Variants in MACROD1 observed in about 807,000 individuals in gnomAD.
MACROD1 encodes ADP-ribose glycohydrolase MACROD1.
A neutral mutation model predicts 41.4 loss-of-function variants in MACROD1; 31 were observed. The observed-to-expected ratio is 0.75, with a 90% confidence interval of 0.56 to 1.01. MACROD1 has a LOEUF of 1.01. Among genes scored for constraint, MACROD1 ranks in the 50% least tolerant of loss-of-function variants. The probability of loss-of-function intolerance (pLI) is 0.00; values close to 1 mark genes in which losing one functional copy is unlikely to be tolerated. For missense variants in MACROD1, 473 were observed against 460.0 expected (o/e 1.03, Z -0.26); for synonymous variants, 252 against 203.4 (o/e 1.24, Z -2.03).
intron 3 of MACROD1, among the ~76,000 whole-genome samples, chr11:64,050,146 C>G (rs543546427): frequency 1.3e-5 from 2 of 152,116 alleles, no homozygotes; most frequent in Non-Finnish European, 2.9e-5. Context: ...GTGCAGGCTC[C>G]GTCTTCACCC....
intron 3 of MACROD1, among the ~76,000 whole-genome samples, chr11:64,121,032 C>T (rs1438836950): frequency 6.6e-6 from 1 of 152,158 alleles, no homozygotes; most frequent in Non-Finnish European, 1.5e-5. Flanking sequence ...TGGCCCGGAC[C>T]GTGAGAGCTG....
intron 3 of MACROD1, among the ~76,000 whole-genome samples, chr11:64,048,214 C>G (rs1025964234): frequency 2.0e-5 from 3 of 152,214 alleles, no homozygotes; most frequent in African/African-American, 7.2e-5. Flanking sequence ...CGGGGGCCTT[C>G]GAGGAGAGCT....
At chr11:64,028,270 C>A (rs1248380460) in intron 3 of MACROD1, among the ~76,000 whole-genome samples, 20 of 152,208 alleles carry the variant, frequency 1.3e-4, no homozygotes, top group Admixed American at 1.3e-3. Context: ...CCGAGGGGGC[C>A]CCTTGCCCTG....
At chr11:64,060,436 G>T (rs1441597727) in intron 3 of MACROD1, 1 of 152,248 alleles carries the variant, frequency 6.6e-6, no homozygotes. Context: ...GCAGGTGCGG[G>T]AGGCATGTGG....
chr11:64,037,828 G>A (rs1943411908), intron 3 of MACROD1, among the ~76,000 whole-genome samples: 2 of 152,172 alleles, frequency 1.3e-5, no homozygotes, highest in African/African-American at 4.8e-5. Context: ...ACCATTTATT[G>A]GTCCCTCCAC....
Position 64,165,695 on chromosome 11 carries a change from A to G in MACROD1, c.298+2T>C. 3.5e-6 allele frequency: 5 copies of G among 1,442,736 alleles called. No individual in the cohort carries two copies. The highest frequency in any genetic ancestry group is 4.6e-6 in the Non-Finnish European group (5 of 1,094,748). The allele number at this position is 1,442,736 out of a possible 1,614,324, so 89.4% of individuals were successfully genotyped here. A position where few individuals can be genotyped will look rare whatever the true frequency, so the allele number is the denominator to read the frequency against. On this transcript the variant is annotated splice_donor_variant, in intron 1 of 10. Coordinates refer to ENST00000255681, the MANE Select transcript of MACROD1 (RefSeq NM_014067.4). LOFTEE classifies it high-confidence loss of function. Reference sequence around the variant, plus strand: ...CTCGCGCCCCCTCGTGCTTACACTTACATTTCGCCTCCTTCCAGTCGGTGG... The same window carrying G: ...CTCGCGCCCCCTCGTGCTTACACTTGCATTTCGCCTCCTTCCAGTCGGTGG...
At chr11:64,116,425 C>G (rs1944982724) in intron 3 of MACROD1, 2 of 1,613,960 alleles carry the variant, frequency 1.2e-6, no homozygotes, top group Admixed American at 1.7e-5. Flanking sequence ...GACAGCACCA[C>G]CTGCCCCTCG....
intron 3 of MACROD1, among the ~76,000 whole-genome samples, chr11:64,061,897 TAGAGACGG>T (rs1287511889): frequency 0.016 from 1,845 of 115,814 alleles, 54 homozygotes; most frequent in African/African-American, 0.07. Context: ...TTTTTTTTTG[TAGAGACGG>T]AGTCTTGCTA....
In MACROD1 at chr11:64,096,561, G is replaced by A. The variant is rs1590902489; in HGVS notation, c.517+54678C>T. Among the ~76,000 whole-genome samples the A allele has an allele frequency of 1.3e-5, 2 of 151,836 alleles. No individual in the cohort carries two copies. The highest frequency in any genetic ancestry group is 4.8e-5 in the African/African-American group (2 of 41,336). On this transcript the variant is annotated intron_variant, in intron 3 of 10. Transcript: ENST00000255681. The surrounding 1 kb of genome is among the most constrained non-coding windows in gnomAD (Gnocchi z 4.6). ...CCACCGAGTAGCTGGGATTACAGGC[G>A]CCTGCCATCACGCCCAGCTAATTTT... is the stretch of plus-strand genomic sequence containing the variant.
intron 3 of MACROD1, among the ~76,000 whole-genome samples, chr11:64,135,329 C>T (rs1945317787): frequency 6.6e-6 from 1 of 152,232 alleles, no homozygotes; most frequent in Non-Finnish European, 1.5e-5. Flanking sequence ...CACACACCTT[C>T]CCTGTCCCCC....
At chr11:64,032,438 G>C (rs1943306811) in intron 3 of MACROD1, among the ~76,000 whole-genome samples, 1 of 152,124 alleles carries the variant, frequency 6.6e-6, no homozygotes, top group Non-Finnish European at 1.5e-5. Flanking sequence ...CCCAGATTTA[G>C]GGGCTCCAGA....
intron 3 of MACROD1, among the ~76,000 whole-genome samples, chr11:64,051,222 T>C (rs1468065916): frequency 6.6e-6 from 1 of 152,172 alleles, no homozygotes; most frequent in Non-Finnish European, 1.5e-5. Context: ...CAAGACAGGA[T>C]GATGTGGGCA....
chr11:64,119,944 G>A (rs1945068449), intron 3 of MACROD1, among the ~76,000 whole-genome samples: 1 of 151,914 alleles, frequency 6.6e-6, no homozygotes, highest in Non-Finnish European at 1.5e-5. Flanking sequence ...GTCACCATCT[G>A]TCACTGTGCC....
chr11:64,108,710 C>T (rs922519854), intron 3 of MACROD1, among the ~76,000 whole-genome samples: 1 of 152,188 alleles, frequency 6.6e-6, no homozygotes, highest in South Asian at 2.1e-4. Flanking sequence ...TCTGCCTGCA[C>T]GGCATTCTCA....
chr11:64,039,567 C>G (rs1031887197), intron 3 of MACROD1, among the ~76,000 whole-genome samples: 1 of 152,138 alleles, frequency 6.6e-6, no homozygotes, highest in Non-Finnish European at 1.5e-5. Context: ...GACTGGATGG[C>G]CGGGAGGAGA....
intron 3 of MACROD1, among the ~76,000 whole-genome samples, chr11:64,080,064 G>T (rs978025791): frequency 2.0e-5 from 3 of 152,210 alleles, no homozygotes; most frequent in Admixed American, 6.5e-5. Context: ...CCAGGCTGGA[G>T]TGCAATGGCA....
At position 64,162,741 on chromosome 11, in the gene MACROD1, G is replaced by A. The variant is rs549747271; in HGVS notation, c.298+2956C>T. 6.6e-5 allele frequency among the ~76,000 whole-genome samples: 10 copies of A among 152,064 alleles called. No individual in the cohort carries two copies. In the East Asian group the frequency reaches 1.7e-3, roughly 27 times the overall value. On this transcript the variant is annotated intron_variant, in intron 1 of 10. Coordinates refer to ENST00000255681, the MANE Select transcript of MACROD1 (RefSeq NM_014067.4). ...GAGGCAGGAGAATGGCATGAACCCA[G>A]GAGGAGGAGCTTGCAATGAACCAAG...
In MACROD1 at chr11:64,100,784, C is replaced by T. The variant is rs531586860; in HGVS notation, c.517+50455G>A. The stretch of plus-strand genomic sequence containing the variant: ...CAGAAGCCTGAGAGGCCCCACTTAT[C>T]CAGGGCACAGACGCTGAGGAGCCCA... On this transcript the variant is annotated intron_variant, in intron 3 of 10. Coordinates refer to ENST00000255681, the MANE Select transcript of MACROD1 (RefSeq NM_014067.4). Among the ~76,000 whole-genome samples the T allele has an allele frequency of 8.5e-5, 13 of 152,288 alleles. No homozygotes were observed. In the South Asian group the frequency reaches 2.5e-3, roughly 29 times the overall value.
In MACROD1 at chr11:64,033,714, T is replaced by G. The variant is rs985600501; in HGVS notation, c.518-18433A>C. 4.0e-5 allele frequency among the ~76,000 whole-genome samples: 6 copies of G among 151,788 alleles called. 1 individual carries two copies. Among genetic ancestry groups the G allele is most frequent in the Non-Finnish European group, 8.8e-5 (6 of 67,934 alleles). ...AAATTAGCCAGGCGTAGTGGTGCAT[T>G]CCTGTAGTTCCAGCTACTCGGGAGG... On this transcript the variant is annotated intron_variant, in intron 3 of 10. Coordinates refer to ENST00000255681, the MANE Select transcript of MACROD1 (RefSeq NM_014067.4).
Sources: gnomAD v4.1 joint callset for allele counts (sites outside exome capture counted in the v4.1 genomes callset) on GRCh38, gnomAD v4.1.1 for gene constraint, Gnocchi (gnomAD v3.1) non-coding constraint, MANE v1.5 for transcripts, NCBI Gene and HGNC (gene_info 2026-07-23, HGNC 2026-07-21) for gene names.